The following PCDHA6 variants were observed in gnomAD, a reference collection of about 807,000 sequenced individuals.
PCDHA6 encodes the protein protocadherin alpha-6.
In PCDHA6, 55 loss-of-function variants were observed where a neutral mutation model predicts 60.3. That is an observed-to-expected ratio of 0.91 (90% CI 0.73 to 1.14). The LOEUF is 1.14. PCDHA6 is among the 50% of genes most tolerant of loss of function. PCDHA6 has a pLI of 0.00. For synonymous variants in PCDHA6, 652 were observed against 557.9 expected (o/e 1.17, Z -2.38); for missense variants, 1,327 against 1,256.5 (o/e 1.06, Z -0.85).
chr5:140,981,141 A>G (rs957272254), intron 2 of PCDHA6, among the ~76,000 whole-genome samples: 2 of 152,242 alleles, frequency 1.3e-5, no homozygotes, highest in African/African-American at 4.8e-5. Flanking sequence ...AAAGAGTGAG[A>G]AAACATTGAA....
Position 140,856,120 on chromosome 5 carries a change from G to C in PCDHA6, c.2394+25635G>C, listed in dbSNP as rs782167466. 6 of 1,598,210 alleles carry C rather than the reference G, an allele frequency of 3.8e-6. 1 individual carries two copies. The highest frequency in any genetic ancestry group is 5.1e-6 in the Non-Finnish European group (6 of 1,167,784). On this transcript the variant is annotated intron_variant, in intron 1 of 3. Transcript: ENST00000529310. ...CGCTTCTTCTCCTCGCAGCCTGGGA[G>C]GTGGGGAGCGGCCAGCTCCACTACT...
At chr5:140,913,348 C>A (rs1233529642) in intron 1 of PCDHA6, among the ~76,000 whole-genome samples, 1 of 152,080 alleles carries the variant, frequency 6.6e-6, no homozygotes, top group East Asian at 1.9e-4. Context: ...TCCATTTCCT[C>A]TAGATTTTTA....
At chr5:140,862,660 G>C (rs569424242) in intron 1 of PCDHA6, 56 of 546,542 alleles carry the variant, frequency 1.0e-4, no homozygotes, top group African/African-American at 8.2e-4. Flanking sequence ...GCGGGACCGG[G>C]ACGCGCAGGA....
intron 1 of PCDHA6, chr5:140,841,090 C>T: frequency 1.8e-6 from 1 of 559,860 alleles, no homozygotes; most frequent in East Asian, 3.0e-5. Flanking sequence ...CATAGAAGAA[C>T]CCAGATATTG....
chr5:140,888,597 C>A (rs1474772423), intron 1 of PCDHA6, among the ~76,000 whole-genome samples: 3 of 152,216 alleles, frequency 2.0e-5, no homozygotes, highest in African/African-American at 7.2e-5. Flanking sequence ...ACATTCAGAG[C>A]AGCTTTTAGT....
chr5:140,872,178 A>G (rs549229832), intron 1 of PCDHA6, among the ~76,000 whole-genome samples: 2 of 149,926 alleles, frequency 1.3e-5, no homozygotes, highest in Admixed American at 6.6e-5. Context: ...TTTTTTTTTT[A>G]CAGTGTTAAA....
chr5:141,004,311 C>T (rs2098161581), intron 3 of PCDHA6, among the ~76,000 whole-genome samples: 1 of 152,210 alleles, frequency 6.6e-6, no homozygotes, highest in South Asian at 2.1e-4. Context: ...TTTTATACAA[C>T]AACCAGAACA....
intron 1 of PCDHA6, among the ~76,000 whole-genome samples, chr5:140,855,336 A>AT (rs1438851451): frequency 6.7e-6 from 1 of 149,788 alleles, no homozygotes; most frequent in Non-Finnish European, 1.5e-5. Context: ...AGGTTAAACG[A>AT]TTTTCCCAAG....
chr5:140,942,310 C>T (rs782391809), intron 1 of PCDHA6, among the ~76,000 whole-genome samples: 14 of 151,402 alleles, frequency 9.2e-5, no homozygotes, highest in East Asian at 1.9e-4. Flanking sequence ...CTTGGGAGGT[C>T]GAGGCACAAG....
rs372058384 is a variant in PCDHA6, at chr5:140,875,718, C to T, written c.2394+45233C>T. ...TTCTGGAGGTAAATCTGCAGAATGGCATTTTGTTTGTGAATTCTCGGATCG... is the reference window on the plus strand; with the variant it reads ...TTCTGGAGGTAAATCTGCAGAATGGTATTTTGTTTGTGAATTCTCGGATCG... On this transcript the variant is annotated intron_variant, in intron 1 of 3. Coordinates refer to ENST00000529310, the MANE Select transcript of PCDHA6 (RefSeq NM_018909.4). 2.4e-5 allele frequency: 38 copies of T among 1,614,182 alleles called. 1 individual carries two copies. The highest frequency in any genetic ancestry group is 2.7e-5 in the Non-Finnish European group (32 of 1,180,048).
chr5:140,866,363 C>T (rs550714417), intron 1 of PCDHA6: 20 of 152,216 alleles, frequency 1.3e-4, no homozygotes, highest in Non-Finnish European at 2.2e-4. Context: ...TACAATATTG[C>T]ATACTTCAAT....
At position 140,946,631 on chromosome 5, in the gene PCDHA6, T is replaced by TATATATATATATATATACAC. The variant is rs57893927; in HGVS notation, c.2395-32317_2395-32316insTATATATATATATATACACA. 2.9e-4 allele frequency among the ~76,000 whole-genome samples: 38 copies of TATATATATATATATATACAC among 131,846 alleles called. No individual in the cohort carries two copies. The East Asian group carries it at 4.9e-3, about 17-fold the overall frequency. The allele number at this position is 131,846 out of a possible 152,430, so 86.5% of individuals were successfully genotyped here. A position where few individuals can be genotyped will look rare whatever the true frequency, so the allele number is the denominator to read the frequency against. On this transcript the variant is annotated intron_variant, in intron 1 of 3. Transcript: ENST00000529310. ...TGTGAAATATATATATATATATATATACAATGGAATACTCATCAGCCATTA... is the reference window on the plus strand; with the variant it reads ...TGTGAAATATATATATATATATATATATATATATATATATATACACACAATGGAATACTCATCAGCCATTA...
chr5:140,967,707 C>G, intron 1 of PCDHA6: 1 of 1,614,158 alleles, frequency 6.2e-7, no homozygotes, highest in Non-Finnish European at 8.5e-7. Flanking sequence ...GATGCCAGTA[C>G]CGGGGAAGTG....
chr5:140,886,539 T>C (rs1463145945), intron 1 of PCDHA6, among the ~76,000 whole-genome samples: 6 of 152,154 alleles, frequency 3.9e-5, no homozygotes, highest in African/African-American at 1.4e-4. Context: ...GTTAGAAAGG[T>C]CTTCCCAGCT....
chr5:140,901,234 T>A (rs1013983503), intron 1 of PCDHA6, among the ~76,000 whole-genome samples: 4 of 152,156 alleles, frequency 2.6e-5, no homozygotes, highest in African/African-American at 9.7e-5. Context: ...ATATATCCAT[T>A]TTTTTCCTTT....
intron 3 of PCDHA6, among the ~76,000 whole-genome samples, chr5:141,007,772 G>T (rs1384054820): frequency 6.6e-6 from 1 of 152,122 alleles, no homozygotes; most frequent in Non-Finnish European, 1.5e-5. Context: ...GCCTGGAAAT[G>T]GTACTGCTTT....
intron 1 of PCDHA6, among the ~76,000 whole-genome samples, chr5:140,942,058 C>T (rs2093224752): frequency 6.6e-6 from 1 of 152,040 alleles, no homozygotes; most frequent in Non-Finnish European, 1.5e-5. Flanking sequence ...GAAATGTTTG[C>T]TAATTGAGCC....
intron 3 of PCDHA6, among the ~76,000 whole-genome samples, chr5:140,993,704 A>G (rs1032326931): frequency 3.3e-5 from 5 of 152,172 alleles, no homozygotes; most frequent in African/African-American, 1.2e-4. Flanking sequence ...TTGTAATACC[A>G]TATTTTTACT....
intron 1 of PCDHA6, among the ~76,000 whole-genome samples, chr5:140,977,323 G>A (rs542392962): frequency 1.3e-5 from 2 of 152,324 alleles, no homozygotes; most frequent in Non-Finnish European, 1.5e-5. Context: ...GCTCCTGATG[G>A]CGAGGGGAGA....
Sources: gnomAD v4.1 joint callset for allele counts (sites outside exome capture counted in the v4.1 genomes callset) on GRCh38, gnomAD v4.1.1 for gene constraint, MANE v1.5 for transcripts, NCBI Gene and HGNC (gene_info 2026-07-23, HGNC 2026-07-21) for gene names.